The following NUDCD1 variants were observed in gnomAD, a reference collection of about 807,000 sequenced individuals.
NUDCD1 encodes nudC domain-containing protein 1.
NUDCD1 carries 60 observed loss-of-function variants against 67.8 expected under a neutral mutation model. The ratio of observed to expected loss-of-function variants is 0.88; its 90% CI spans 0.72 to 1.10. NUDCD1 has a LOEUF of 1.10. Ranked by LOEUF, NUDCD1 falls within the 50% of genes least tolerant of loss-of-function variation. NUDCD1 has a pLI of 0.00. For missense variants in NUDCD1, 643 were observed against 695.0 expected (o/e 0.93, Z 0.84); for synonymous variants, 244 against 230.8 (o/e 1.06, Z -0.52).
intron 8 of NUDCD1, among the ~76,000 whole-genome samples, chr8:109,253,311 T>C (rs1172841005): frequency 2.0e-5 from 3 of 151,810 alleles, no homozygotes; most frequent in African/African-American, 7.3e-5. Flanking sequence ...AGGAAAGGAG[T>C]GATCAATAAG....
chr8:109,311,029 C>T (rs3116095), intron 2 of NUDCD1, among the ~76,000 whole-genome samples: 69,416 of 151,284 alleles, frequency 0.46, 16,706 homozygotes, highest in South Asian at 0.6. Flanking sequence ...TTGGCCAGGA[C>T]GGTCTCAATC....
chr8:109,266,957 T>C (rs1432759118), intron 8 of NUDCD1, among the ~76,000 whole-genome samples: 1 of 152,152 alleles, frequency 6.6e-6, no homozygotes, highest in Non-Finnish European at 1.5e-5. Context: ...TTCATTACAG[T>C]ATTATTTTCT....
intron 7 of NUDCD1, among the ~76,000 whole-genome samples, chr8:109,274,340 A>G (rs1441899372): frequency 3.9e-5 from 6 of 152,276 alleles, no homozygotes; most frequent in Middle Eastern, 3.4e-3. Context: ...CTAACATTCA[A>G]TTGAAACCAT....
At chr8:109,247,823 ATTAT>A (rs1813533364) in intron 8 of NUDCD1, among the ~76,000 whole-genome samples, 1 of 152,124 alleles carries the variant, frequency 6.6e-6, no homozygotes, top group South Asian at 2.1e-4. Context: ...TTCCTATCAA[ATTAT>A]TTATCATATT....
Position 109,241,989 on chromosome 8 carries a change from A to G in NUDCD1, c.*1020T>C, listed in dbSNP as rs1410992298. ...AAAACAAAATTTGTGGCAAGAAACT[A>G]TAACATATAAACAGGATTATTTTGT... On this transcript the variant is annotated 3_prime_UTR_variant, in exon 10 of 10. Coordinates refer to ENST00000239690, the MANE Select transcript of NUDCD1 (RefSeq NM_032869.4). 2.0e-5 allele frequency: 8 copies of G among 397,440 alleles called. No homozygotes were observed. Among genetic ancestry groups the G allele is most frequent in the Admixed American group, 4.4e-5 (1 of 22,678 alleles). 24.6% of individuals were successfully genotyped at this position (397,440 alleles called of 1,614,324 possible).
intron 8 of NUDCD1, among the ~76,000 whole-genome samples, chr8:109,260,755 A>G (rs1384529045): frequency 1.3e-5 from 2 of 151,652 alleles, no homozygotes; most frequent in African/African-American, 4.9e-5. Flanking sequence ...CTGAATCTCA[A>G]AAGAACCATC....
intron 1 of NUDCD1, among the ~76,000 whole-genome samples, chr8:109,325,856 T>C (rs941059066): frequency 2.0e-5 from 3 of 152,170 alleles, no homozygotes; most frequent in African/African-American, 7.2e-5. Context: ...GCAGGGTAAA[T>C]CCAGGAAGAT....
Position 109,245,420 on chromosome 8 carries a change from C to G in NUDCD1, c.1361G>C (p.Cys454Ser). The part of the protein sequence containing the change: ...SVIVDPKEMP[C>S]FCLRHDVDAL... ...ATCAACATCATGGCGCAAACAGAAGCAGGGCATTTCTTTAGGATCCACTAT... is the reference window on the plus strand; with the variant it reads ...ATCAACATCATGGCGCAAACAGAAGGAGGGCATTTCTTTAGGATCCACTAT... The change falls in exon 9 of 10, where the codon TGC becomes TCC. Residue 454 changes from cysteine to serine, a missense_variant. Coordinates refer to ENST00000239690, the MANE Select transcript of NUDCD1 (RefSeq NM_032869.4). 1 of 1,613,686 alleles carries G rather than the reference C, an allele frequency of 6.2e-7. No individual in the cohort carries two copies. Among genetic ancestry groups the G allele is most frequent in the South Asian group, 1.1e-5 (1 of 91,046 alleles).
intron 2 of NUDCD1, among the ~76,000 whole-genome samples, chr8:109,312,427 T>C (rs2926255): frequency 0.36 from 54,823 of 151,722 alleles, 10,723 homozygotes; most frequent in South Asian, 0.5. Flanking sequence ...TAAAGTGCCA[T>C]GTTGGTGGGA....
chr8:109,261,934 A>G (rs998051786), intron 8 of NUDCD1, among the ~76,000 whole-genome samples: 2 of 152,138 alleles, frequency 1.3e-5, no homozygotes, highest in African/African-American at 4.8e-5. Context: ...ATACCTATAC[A>G]TACACATCTG....
At chr8:109,318,773 G>C (rs1042006421) in intron 2 of NUDCD1, among the ~76,000 whole-genome samples, 2 of 151,990 alleles carry the variant, frequency 1.3e-5, no homozygotes, top group Non-Finnish European at 2.9e-5. Context: ...ACCTACACTT[G>C]GATTAGAAAT....
chr8:109,318,843 G>A (rs754529073), intron 2 of NUDCD1, among the ~76,000 whole-genome samples: 5 of 152,032 alleles, frequency 3.3e-5, no homozygotes, highest in Non-Finnish European at 5.9e-5. Context: ...ACTTTACACA[G>A]CTATTATCCA....
rs771386743 is a variant in NUDCD1 at position 109,289,896 on chromosome 8, G to A, written c.678C>T (p.Leu226=). ...CATAATGTGGCACTGACTTTCCACGGAGAATATCACGCTTAATAATTTCAT... is the reference window on the plus strand; with the variant it reads ...CATAATGTGGCACTGACTTTCCACGAAGAATATCACGCTTAATAATTTCAT... The part of the protein sequence containing the change: ...KKYEIIKRDI[L]RGKSVPHYAA... The change falls in exon 5 of 10, where the codon CTC becomes CTT. Residue 226 remains leucine (L), a synonymous_variant. Transcript: ENST00000239690. The A allele has an allele frequency of 3.9e-6, 6 of 1,530,192 alleles. No homozygotes were observed. The highest frequency in any genetic ancestry group is 5.1e-5 in the East Asian group (2 of 39,330). 94.8% of individuals were successfully genotyped at this position (1,530,192 alleles called of 1,614,324 possible). A position where few individuals can be genotyped will look rare whatever the true frequency, so the allele number is the denominator to read the frequency against.
At chr8:109,319,515 A>C (rs1190951039) in intron 2 of NUDCD1, among the ~76,000 whole-genome samples, 1 of 152,220 alleles carries the variant, frequency 6.6e-6, no homozygotes, top group Non-Finnish European at 1.5e-5. Flanking sequence ...GAACAGAGGT[A>C]AGATGTCAAG....
chr8:109,333,947 C>T lies in NUDCD1; in HGVS notation c.64G>A (p.Gly22Ser), dbSNP rs1257595563. 1.9e-6 allele frequency: 3 copies of T among 1,614,174 alleles called. No homozygotes were observed. Among genetic ancestry groups the T allele is most frequent in the Non-Finnish European group, 8.5e-7 (1 of 1,180,004 alleles). The change falls in exon 1 of 10, where the codon GGT becomes AGT. Residue 22 changes from glycine (G) to serine (S), a missense_variant. Gly to Ser is a moderately conservative substitution (Grantham distance 56). Coordinates refer to ENST00000239690, the MANE Select transcript of NUDCD1 (RefSeq NM_032869.4). ...AGCGGCTCAAGAGAGAGCTTGTAACCCTCGAAGCGGGGATCCAACAGAGGT... is the reference window on the plus strand; with the variant it reads ...AGCGGCTCAAGAGAGAGCTTGTAACTCTCGAAGCGGGGATCCAACAGAGGT... ...KRPLLDPRFE[G>S]YKLSLEPLPC...
intron 5 of NUDCD1, among the ~76,000 whole-genome samples, chr8:109,281,651 A>T (rs1250814780): frequency 6.6e-6 from 1 of 152,222 alleles, no homozygotes; most frequent in Non-Finnish European, 1.5e-5. Flanking sequence ...CACTTTTAGT[A>T]TAAATTAAAG....
intron 9 of NUDCD1, among the ~76,000 whole-genome samples, chr8:109,244,404 T>C (rs923126804): frequency 3.9e-5 from 6 of 152,108 alleles, no homozygotes; most frequent in African/African-American, 9.7e-5. Context: ...ATGATAGAGC[T>C]TTCTTCTGAC....
intron 2 of NUDCD1, among the ~76,000 whole-genome samples, chr8:109,304,126 C>T (rs538892424): frequency 1.3e-5 from 2 of 152,274 alleles, no homozygotes; most frequent in African/African-American, 4.8e-5. Flanking sequence ...CCCACACTAG[C>T]TCTCCCTAAC....
At chr8:109,329,607 C>G (rs1286439128) in intron 1 of NUDCD1, among the ~76,000 whole-genome samples, 1 of 152,032 alleles carries the variant, frequency 6.6e-6, no homozygotes, top group Admixed American at 6.6e-5. Context: ...GCAGAAGGAG[C>G]AGAGAGATGG....
Sources: allele counts gnomAD v4.1 joint callset (sites outside exome capture counted in the v4.1 genomes callset), GRCh38; gene constraint gnomAD v4.1.1; transcripts MANE v1.5; gene names NCBI Gene and HGNC (gene_info 2026-07-23, HGNC 2026-07-21).